The following USP48 variants were observed in gnomAD, a reference collection of about 807,000 sequenced individuals.
USP48 encodes the protein ubiquitin specific peptidase 48, also known as ubiquitin carboxyl-terminal hydrolase 48.
A neutral mutation model predicts 150.7 loss-of-function variants in USP48; 43 were observed. That is an observed-to-expected ratio of 0.29 (90% CI 0.22 to 0.37). USP48 has a LOEUF of 0.37. USP48 is among the 10% of genes least tolerant of loss of function. The pLI, the probability that USP48 is intolerant of heterozygous loss-of-function variation, is 1.00. For missense variants in USP48, 813 were observed against 1,249.6 expected (o/e 0.65, Z 5.27); for synonymous variants, 396 against 425.9 (o/e 0.93, Z 0.86).
intron 15 of USP48, among the ~76,000 whole-genome samples, chr1:21,712,569 C>T (rs1287012456): frequency 6.6e-6 from 1 of 151,620 alleles, no homozygotes; most frequent in African/African-American, 2.4e-5. Flanking sequence ...AACATTTTAC[C>T]CTGGACGCAT....
intron 24 of USP48, 34 bp from the exon 25 acceptor site, chr1:21,687,273 A>C: frequency 6.3e-7 from 1 of 1,599,628 alleles, no homozygotes; most frequent in East Asian, 2.2e-5. Flanking sequence ...CAAAACCACA[A>C]GGGAGAGGGA....
chr1:21,772,622 CAA>C (rs755930280), intron 1 of USP48, among the ~76,000 whole-genome samples: 3 of 111,914 alleles, frequency 2.7e-5, no homozygotes, highest in Admixed American at 9.8e-5. Flanking sequence ...GGCTCCATCT[CAA>C]AAAAAAAAAA....
In USP48 at chr1:21,687,157, A is replaced by T. The variant is rs767769080; in HGVS notation, c.3058+34T>A. 7 of 1,603,970 alleles carry T rather than the reference A, an allele frequency of 4.4e-6. No homozygotes were observed. The East Asian group carries it at 1.6e-4, about 36-fold the overall frequency. On this transcript the variant is annotated intron_variant, in intron 25 of 26. Coordinates refer to ENST00000308271, the MANE Select transcript of USP48 (RefSeq NM_032236.8). ...AAAATCCCACCTCCGTCTAAAACCTAATCAGCAGATTCCTAAAACAAATTC... is the reference window on the plus strand; with the variant it reads ...AAAATCCCACCTCCGTCTAAAACCTTATCAGCAGATTCCTAAAACAAATTC...
intron 1 of USP48, among the ~76,000 whole-genome samples, chr1:21,761,136 T>G: frequency 6.6e-6 from 1 of 151,944 alleles, no homozygotes; most frequent in African/African-American, 2.4e-5. Flanking sequence ...TACAAAACAC[T>G]GCATATCATG....
At chr1:21,775,669 T>A (rs1478127747) in intron 1 of USP48, among the ~76,000 whole-genome samples, 5 of 152,228 alleles carry the variant, frequency 3.3e-5, no homozygotes, top group Non-Finnish European at 5.9e-5. Flanking sequence ...AATAGTCATA[T>A]GATGTTTCCC....
intron 1 of USP48, among the ~76,000 whole-genome samples, chr1:21,776,780 C>G (rs1486651597): frequency 1.3e-5 from 2 of 151,964 alleles, no homozygotes; most frequent in African/African-American, 4.8e-5. Flanking sequence ...ATGGCAAAAC[C>G]CCATCTCTAC....
At chr1:21,762,447 T>C (rs1315253372) in intron 1 of USP48, among the ~76,000 whole-genome samples, 3 of 152,186 alleles carry the variant, frequency 2.0e-5, no homozygotes, top group South Asian at 2.1e-4. Flanking sequence ...TCAGTAACCA[T>C]GGTGAAAATA....
chr1:21,691,036 C>T (rs920910475), intron 23 of USP48, among the ~76,000 whole-genome samples: 11 of 152,080 alleles, frequency 7.2e-5, no homozygotes, highest in South Asian at 6.2e-4. Context: ...TAAATACAGC[C>T]GGGTGCAGTG....
intron 15 of USP48, among the ~76,000 whole-genome samples, chr1:21,708,895 AAAAAAAAG>A (rs2097681677): frequency 9.7e-6 from 1 of 102,640 alleles, no homozygotes; most frequent in African/African-American, 3.0e-5. Flanking sequence ...AAAAAAAAAA[AAAAAAAAG>A]AAAGAAAAGA....
At chr1:21,687,094 TCAA>T in intron 25 of USP48, 94 bp downstream of exon 25, 1 of 1,168,346 alleles carries the variant, frequency 8.6e-7, no homozygotes, top group South Asian at 1.4e-5. Flanking sequence ...TTTTCAAGGT[TCAA>T]AGTAAAAGCA....
At chr1:21,767,450 G>A (rs1036539020) in intron 1 of USP48, among the ~76,000 whole-genome samples, 2 of 151,930 alleles carry the variant, frequency 1.3e-5, no homozygotes, top group Non-Finnish European at 2.9e-5. Flanking sequence ...TCAGCCTCCC[G>A]AGTAGCTGGG....
Position 21,692,633 on chromosome 1 carries a change from G to A in USP48, c.2883+2433C>T, listed in dbSNP as rs80052968. 1.2e-3 allele frequency among the ~76,000 whole-genome samples: 190 copies of A among 152,280 alleles called. 5 individuals are homozygous for A. The East Asian group carries it at 0.034, about 27-fold the overall frequency. On this transcript the variant is annotated intron_variant, in intron 23 of 26. Transcript: ENST00000308271. ...ATGAAGCATTTAATAAGAAGCTACC[G>A]TGTGTCAAGTACTGTTTTAGGTGTT...
intron 12 of USP48, among the ~76,000 whole-genome samples, chr1:21,722,667 A>G (rs2097724724): frequency 6.6e-6 from 1 of 152,104 alleles, no homozygotes; most frequent in South Asian, 2.1e-4. Flanking sequence ...CAACATGATG[A>G]AACACCATCT....
chr1:21,747,147 T>G lies in USP48; in HGVS notation c.911A>C (p.Gln304Pro). 1 of 1,608,696 alleles carries G rather than the reference T, an allele frequency of 6.2e-7. No homozygotes were observed. The highest frequency in any genetic ancestry group is 8.5e-7 in the Non-Finnish European group (1 of 1,179,028). ...ATTCAGCTTTTTCTTATGTCCAGTT[T>G]GCCTAACCAAGAGGAAAGCTGATTA... ...LQLMRFVFDR[Q>P]TGHKKKLNTY... Residue 304 changes from glutamine (Q) to proline (P), a missense_variant and splice_region_variant, in exon 8 of 27, where the codon CAA becomes CCA. Coordinates refer to ENST00000308271, the MANE Select transcript of USP48 (RefSeq NM_032236.8).
At chr1:21,744,443 C>CAAA (rs58485760) in intron 8 of USP48, among the ~76,000 whole-genome samples, 10,371 of 117,958 alleles carry the variant, frequency 0.088, 431 homozygotes, top group Middle Eastern at 0.16. Flanking sequence ...AATTCTGTCT[C>CAAA]AAAAAAAAAA....
chr1:21,782,725 A>G (rs1028976849), intron 1 of USP48, 99 bp downstream of exon 1: 9 of 1,406,152 alleles, frequency 6.4e-6, no homozygotes, highest in African/African-American at 4.5e-5. Flanking sequence ...GCGCCTCCCA[A>G]ATGCACGCAA....
At chr1:21,679,722 T>C (rs2097560304) in intron 26 of USP48, among the ~76,000 whole-genome samples, 1 of 152,206 alleles carries the variant, frequency 6.6e-6, no homozygotes, top group South Asian at 2.1e-4. Context: ...TTTCTGAGAG[T>C]TTCACTCTTG....
rs750672898 is a variant in USP48 at position 21,756,652 on chromosome 1, T to A, written c.306A>T (p.Thr102=). The A allele has an allele frequency of 1.9e-6, 3 of 1,612,986 alleles. No homozygotes were observed. In the East Asian group the frequency reaches 6.7e-5, roughly 36 times the overall value. ...AGTTGAGAAACCACACTTGAAGAAA[T>A]GTGTTGACATAACAAGTGGCTCCAA... ...TNLGATCYVN[T]FLQVWFLNLE... Residue 102 remains threonine, a synonymous_variant, in exon 3 of 27, where the codon ACA becomes ACT. Coordinates refer to ENST00000308271, the MANE Select transcript of USP48 (RefSeq NM_032236.8).
chr1:21,728,003 T>C (rs2152552910), intron 11 of USP48: 1 of 985,432 alleles, frequency 1.0e-6, no homozygotes, highest in South Asian at 4.7e-5. Flanking sequence ...TTTGGTTTCA[T>C]TTTGAGACAT....
Sources: gnomAD v4.1 joint callset for allele counts (sites outside exome capture counted in the v4.1 genomes callset) on GRCh38, gnomAD v4.1.1 for gene constraint, MANE v1.5 for transcripts, NCBI Gene and HGNC (gene_info 2026-07-23, HGNC 2026-07-21) for gene names.